Variants in TOP1 observed in about 807,000 individuals in gnomAD.
TOP1 encodes DNA topoisomerase 1.
Under a neutral mutation model 111.1 loss-of-function variants are expected in TOP1, and 10 were observed. The observed-to-expected ratio is 0.09, with a 90% confidence interval of 0.06 to 0.15. The LOEUF (loss-of-function observed/expected upper bound fraction) is 0.15. TOP1 is among the 10% of genes least tolerant of loss of function. The pLI is 1.00. For synonymous variants in TOP1, 271 were observed against 302.9 expected, an observed-to-expected ratio of 0.89 and a Z score of 1.10; for missense variants, 474 against 926.7, an observed-to-expected ratio of 0.51 and a Z score of 6.34.
chr20:41,080,925 A>G lies in TOP1; in HGVS notation c.432-240A>G, dbSNP rs2033781769. The stretch of plus-strand genomic sequence containing the variant: ...ATTTCTGCATATATCCCCCCACCCT[A>G]TTTTGCTTCCAGGCCGGTGTAAGTG... On this transcript the variant is annotated intron_variant, in intron 6 of 20. Transcript: ENST00000361337. This position sits in a 1 kb window ranked among gnomAD's most constrained non-coding sequence, Gnocchi z 5.0. Among the ~76,000 whole-genome samples, 1 of 151,710 alleles carries G rather than the reference A, an allele frequency of 6.6e-6. No individual in the cohort carries two copies. Among genetic ancestry groups the G allele is most frequent in the African/African-American group, 2.4e-5 (1 of 41,344 alleles).
At position 41,071,740 on chromosome 20, in the gene TOP1, C is replaced by T. The variant is rs116216153; in HGVS notation, c.156-4431C>T. Among the ~76,000 whole-genome samples the T allele has an allele frequency of 2.4e-3, 369 of 152,320 alleles. 3 individuals carry two copies. Among genetic ancestry groups the T allele is most frequent in the African/African-American group, 8.7e-3 (362 of 41,572 alleles). On this transcript the variant is annotated intron_variant, in intron 3 of 20. Transcript: ENST00000361337. This position sits in a 1 kb window ranked among gnomAD's most constrained non-coding sequence, Gnocchi z 4.3. ...GGCTTTGGATCTTTCCATTTGTTCT[C>T]TTTAGCGCTGACTTTTGCTTTCTAG...
At chr20:41,063,071 T>C (rs1410400689) in intron 3 of TOP1, among the ~76,000 whole-genome samples, 1 of 152,184 alleles carries the variant, frequency 6.6e-6, no homozygotes, top group African/African-American at 2.4e-5. Context: ...ACCCAACAAT[T>C]AGTTTTTCAA....
intron 3 of TOP1, among the ~76,000 whole-genome samples, chr20:41,070,841 G>A (rs1322228450): frequency 6.6e-6 from 1 of 152,212 alleles, no homozygotes; most frequent in African/African-American, 2.4e-5. Context: ...TGACCCTGGA[G>A]CCAGACTGCC....
At chr20:41,104,962 A>G (rs1447276058) in intron 13 of TOP1, among the ~76,000 whole-genome samples, 2 of 152,224 alleles carry the variant, frequency 1.3e-5, no homozygotes, top group African/African-American at 2.4e-5. Context: ...AAACATTTCA[A>G]ACATACAGGA....
Position 41,076,402 on chromosome 20 carries a change from G to C in TOP1, c.279+108G>C, listed in dbSNP as rs1034116107. 8.4e-6 allele frequency: 12 copies of C among 1,436,044 alleles called. No individual in the cohort carries two copies. The African/African-American group carries it at 1.6e-4, about 19-fold the overall frequency. 89.0% of individuals were successfully genotyped at this position (1,436,044 alleles called of 1,614,324 possible). A position where few individuals can be genotyped will look rare whatever the true frequency, so the allele number is the denominator to read the frequency against. ...AAGATCCCTTGGTCTTGAAGTGAAA[G>C]GTTTCTTGTCAGGAGAATTTAGAGC... On this transcript the variant is annotated intron_variant, in intron 4 of 20. Coordinates refer to ENST00000361337, the MANE Select transcript of TOP1 (RefSeq NM_003286.4).
In TOP1 at chr20:41,029,510, C is replaced by G; in HGVS notation, c.58+55C>G. The G allele has an allele frequency of 7.0e-7, 1 of 1,429,992 alleles. No homozygotes were observed. Among genetic ancestry groups the G allele is most frequent in the South Asian group, 1.2e-5 (1 of 83,328 alleles). The allele number at this position is 1,429,992 out of a possible 1,614,324, so 88.6% of individuals were successfully genotyped here. The stretch of plus-strand genomic sequence containing the variant: ...GCCCCCCAGCCGCCGGCCGCCTCCC[C>G]CGCGCCCTGCCGGTGCCGGGCAGAG... On this transcript the variant is annotated intron_variant, in intron 2 of 20. Coordinates refer to ENST00000361337, the MANE Select transcript of TOP1 (RefSeq NM_003286.4). The surrounding 1 kb of genome is among the most constrained non-coding windows in gnomAD (Gnocchi z 6.1).
chr20:41,048,328 T>A (rs2033359615), intron 2 of TOP1, among the ~76,000 whole-genome samples: 1 of 152,192 alleles, frequency 6.6e-6, no homozygotes. Context: ...CTGGAGAGCT[T>A]GTGTTAAAAT....
In TOP1 at chr20:41,123,684, T is replaced by G. The variant is rs1446921477; in HGVS notation, c.*387T>G. ...TTGGTGCGTTTTTACAGTTAGGGTT[T>G]TGCAATAACTTCTATATTTTAATAG... On this transcript the variant is annotated 3_prime_UTR_variant, in exon 21 of 21. Transcript: ENST00000361337. The surrounding 1 kb of genome is among the most constrained non-coding windows in gnomAD (Gnocchi z 5.8). The G allele has an allele frequency of 4.2e-6, 1 of 235,744 alleles. No individual in the cohort carries two copies. The highest frequency in any genetic ancestry group is 8.4e-6 in the Non-Finnish European group (1 of 119,718). 14.6% of individuals were successfully genotyped at this position (235,744 alleles called of 1,614,324 possible).
At position 41,078,760 on chromosome 20, in the gene TOP1, A is replaced by G. The variant is rs1334578042; in HGVS notation, c.335+1123A>G. On this transcript the variant is annotated intron_variant, in intron 5 of 20. Transcript: ENST00000361337. The surrounding 1 kb of genome is among the most constrained non-coding windows in gnomAD (Gnocchi z 5.3). ...TTCATTTTCAGACTTTTTGGGTTAG[A>G]AGATTAGGAACACAGCCTTCTTTGA... Among the ~76,000 whole-genome samples the G allele has an allele frequency of 6.6e-6, 1 of 152,170 alleles. No homozygotes were observed. The highest frequency in any genetic ancestry group is 1.5e-5 in the Non-Finnish European group (1 of 68,030).
chr20:41,102,525 G>A lies in TOP1; in HGVS notation c.1308+1172G>A, dbSNP rs187563937. Among the ~76,000 whole-genome samples, 91 of 152,256 alleles carry A rather than the reference G, an allele frequency of 6.0e-4. No homozygotes were observed. The highest frequency in any genetic ancestry group is 2.1e-3 in the African/African-American group (88 of 41,532). On this transcript the variant is annotated intron_variant, in intron 13 of 20. Transcript: ENST00000361337. The surrounding 1 kb of genome is among the most constrained non-coding windows in gnomAD (Gnocchi z 4.0). Reference sequence around the variant, plus strand: ...CTTGGGAGGCGGAGGCAGGAGAATCGCTTGAACCTGGGAGGCAGAGGTCGC... The same window carrying A: ...CTTGGGAGGCGGAGGCAGGAGAATCACTTGAACCTGGGAGGCAGAGGTCGC...
chr20:41,044,793 T>A (rs2033312986), intron 2 of TOP1, among the ~76,000 whole-genome samples: 1 of 149,602 alleles, frequency 6.7e-6, no homozygotes, highest in Non-Finnish European at 1.5e-5. Context: ...TGTGTGTGAG[T>A]GAGAGAGAGA....
At chr20:41,119,939 A>T (rs1214754889) in intron 18 of TOP1, among the ~76,000 whole-genome samples, 2 of 152,258 alleles carry the variant, frequency 1.3e-5, no homozygotes, top group African/African-American at 2.4e-5. Context: ...TACCTAATTC[A>T]GGAAAACCCC....
At chr20:41,056,094 A>AACC (rs1305595042) in intron 2 of TOP1, among the ~76,000 whole-genome samples, 2 of 152,170 alleles carry the variant, frequency 1.3e-5, no homozygotes, top group African/African-American at 2.4e-5. Context: ...GTGCTCCCCC[A>AACC]ACCACCACCA....
At chr20:41,088,471 C>T (rs1323783590) in intron 8 of TOP1, among the ~76,000 whole-genome samples, 3 of 152,098 alleles carry the variant, frequency 2.0e-5, no homozygotes, top group African/African-American at 7.2e-5. Flanking sequence ...CGACTGCACT[C>T]CAGCCTGGGC....
rs566555168 is a variant in TOP1, at chr20:41,080,006, C to T, written c.336-79C>T. 2.5e-5 allele frequency: 22 copies of T among 871,166 alleles called. No individual in the cohort carries two copies. The highest frequency in any genetic ancestry group is 7.4e-5 in the East Asian group (3 of 40,512). The allele number at this position is 871,166 out of a possible 1,614,324, so 54.0% of individuals were successfully genotyped here. On this transcript the variant is annotated intron_variant, in intron 5 of 20. Coordinates refer to ENST00000361337, the MANE Select transcript of TOP1 (RefSeq NM_003286.4). This position sits in a 1 kb window ranked among gnomAD's most constrained non-coding sequence, Gnocchi z 5.0. The stretch of plus-strand genomic sequence containing the variant: ...CTTATTTCTGTTAGCTTCTTTTCAA[C>T]GAAATGACATATTCCTTCTTTGTAT...
Position 41,106,311 on chromosome 20 carries a change from G to C in TOP1, c.1308+4958G>C, listed in dbSNP as rs1294957270. On this transcript the variant is annotated intron_variant, in intron 13 of 20. Transcript: ENST00000361337. The surrounding 1 kb of genome is among the most constrained non-coding windows in gnomAD (Gnocchi z 4.3). ...AAAGTCTATTGAGTAGGACAAGTTT[G>C]TTTCATTCTTCAAAATTGCTTTGGC... Among the ~76,000 whole-genome samples, 1 of 152,168 alleles carries C rather than the reference G, an allele frequency of 6.6e-6. No homozygotes were observed. The highest frequency in any genetic ancestry group is 2.4e-5 in the African/African-American group (1 of 41,440).
In TOP1 at chr20:41,095,357, T is replaced by A. The variant is rs1292803488; in HGVS notation, c.731-1863T>A. On this transcript the variant is annotated intron_variant, in intron 9 of 20. Coordinates refer to ENST00000361337, the MANE Select transcript of TOP1 (RefSeq NM_003286.4). The surrounding 1 kb of genome is among the most constrained non-coding windows in gnomAD (Gnocchi z 4.6). ...CACCATGCTCAGCCACATTTTTTTT[T>A]AAATGGTGTTAACAGTTTACATTTT... 6.6e-6 allele frequency among the ~76,000 whole-genome samples: 1 copy of A among 152,056 alleles called. No individual in the cohort carries two copies.
chr20:41,041,485 G>A (rs2033263880), intron 2 of TOP1, among the ~76,000 whole-genome samples: 1 of 150,994 alleles, frequency 6.6e-6, no homozygotes. Flanking sequence ...CATCCTGTAT[G>A]GTCAATACAG....
rs1568687031 is a variant in TOP1, at chr20:41,077,577, T to C, written c.280-5T>C. On this transcript the variant is annotated splice_region_variant and splice_polypyrimidine_tract_variant and intron_variant, in intron 4 of 20. Coordinates refer to ENST00000361337, the MANE Select transcript of TOP1 (RefSeq NM_003286.4). ...GGTACTAGTTACTGTTGTTTTACTT[T>C]TCAGGTTCGAGCCTCTGGGGATGCA... is the stretch of plus-strand genomic sequence containing the variant. 2 of 1,613,928 alleles carry C rather than the reference T, an allele frequency of 1.2e-6. No individual in the cohort carries two copies. The highest frequency in any genetic ancestry group is 1.7e-6 in the Non-Finnish European group (2 of 1,179,764).
Sources: allele counts gnomAD v4.1 joint callset (sites outside exome capture counted in the v4.1 genomes callset), GRCh38; gene constraint gnomAD v4.1.1; non-coding constraint Gnocchi (gnomAD v3.1); transcripts MANE v1.5; gene names NCBI Gene and HGNC (gene_info 2026-07-23, HGNC 2026-07-21).